The following MNAT1 variants were observed in gnomAD, a reference collection of about 807,000 sequenced individuals.
MNAT1 encodes MNAT1 component of CDK activating kinase, also known as CDK-activating kinase assembly factor MAT1.
In MNAT1, 43 loss-of-function variants were observed where a neutral mutation model predicts 42.0. The ratio of observed to expected loss-of-function variants is 1.02; its 90% CI spans 0.80 to 1.32. The LOEUF is 1.32. Ranked by LOEUF, MNAT1 falls within the 40% of genes most tolerant of loss-of-function variation. The pLI is 0.00. For synonymous variants in MNAT1, 118 were observed against 120.0 expected, an observed-to-expected ratio of 0.98 and a Z score of 0.11; for missense variants, 306 against 350.4, an observed-to-expected ratio of 0.87 and a Z score of 1.01.
At chr14:60,911,527 T>G (rs1464238497) in intron 7 of MNAT1, among the ~76,000 whole-genome samples, 2 of 152,188 alleles carry the variant, frequency 1.3e-5, no homozygotes, top group Non-Finnish European at 2.9e-5. Flanking sequence ...TGTTGTGTCT[T>G]TGTTCTCGTT....
At chr14:60,742,231 G>A (rs921068783) in intron 1 of MNAT1, among the ~76,000 whole-genome samples, 1 of 151,932 alleles carries the variant, frequency 6.6e-6, no homozygotes. Context: ...GACTACAGGT[G>A]TGCACTGCCA....
intron 6 of MNAT1, among the ~76,000 whole-genome samples, chr14:60,876,479 T>C (rs905329246): frequency 1.3e-5 from 2 of 152,046 alleles, no homozygotes; most frequent in Non-Finnish European, 2.9e-5. Context: ...TTCTGTGACA[T>C]TAAGTACATC....
intron 7 of MNAT1, among the ~76,000 whole-genome samples, chr14:60,883,999 A>G (rs926702448): frequency 6.6e-6 from 1 of 152,034 alleles, no homozygotes; most frequent in African/African-American, 2.4e-5. Context: ...ATATAAGATC[A>G]TATCATCTGT....
chr14:60,858,446 A>G (rs1594808672), intron 6 of MNAT1, among the ~76,000 whole-genome samples: 1 of 147,184 alleles, frequency 6.8e-6, no homozygotes, highest in South Asian at 2.2e-4. Context: ...AAATTTGTTT[A>G]AGTTCTTTGT....
At chr14:60,949,778 G>A (rs1327295052) in intron 7 of MNAT1, among the ~76,000 whole-genome samples, 1 of 152,068 alleles carries the variant, frequency 6.6e-6, no homozygotes, top group African/African-American at 2.4e-5. Flanking sequence ...CTGATAGTGG[G>A]CATAGATTAT....
intron 7 of MNAT1, among the ~76,000 whole-genome samples, chr14:60,905,762 T>G (rs2035184226): frequency 1.4e-5 from 2 of 147,414 alleles, no homozygotes; most frequent in Non-Finnish European, 2.9e-5. Context: ...ACTTCCTTCG[T>G]TTTTTTGCTG....
chr14:60,905,858 C>T (rs1160066858), intron 7 of MNAT1, among the ~76,000 whole-genome samples: 13 of 152,150 alleles, frequency 8.5e-5, no homozygotes, highest in Non-Finnish European at 1.5e-4. Flanking sequence ...ATTCAAATGC[C>T]AATCTTTTCT....
chr14:60,776,846 T>C (rs2031271779), intron 1 of MNAT1, among the ~76,000 whole-genome samples: 1 of 152,016 alleles, frequency 6.6e-6, no homozygotes, highest in African/African-American at 2.4e-5. Context: ...TGTTTGTTTG[T>C]TTTGGTTTTT....
At chr14:60,874,258 T>C (rs2034389908) in intron 6 of MNAT1, among the ~76,000 whole-genome samples, 1 of 152,158 alleles carries the variant, frequency 6.6e-6, no homozygotes, top group Non-Finnish European at 1.5e-5. Context: ...AGCCTTGGAG[T>C]ATTTTCTAGC....
chr14:60,843,989 C>G (rs1170233607), intron 6 of MNAT1, among the ~76,000 whole-genome samples: 2 of 151,956 alleles, frequency 1.3e-5, no homozygotes, highest in Non-Finnish European at 2.9e-5. Context: ...GTTTGGGTTT[C>G]TTTTTTGCAT....
intron 6 of MNAT1, among the ~76,000 whole-genome samples, chr14:60,853,050 A>C (rs2033864553): frequency 6.6e-6 from 1 of 152,070 alleles, no homozygotes; most frequent in Non-Finnish European, 1.5e-5. Flanking sequence ...GTTCCATATG[A>C]AATTTAAGTA....
intron 1 of MNAT1, among the ~76,000 whole-genome samples, chr14:60,741,591 C>T (rs1302943901): frequency 1.3e-5 from 2 of 150,278 alleles, no homozygotes; most frequent in Non-Finnish European, 2.9e-5. Flanking sequence ...GATCTCCTGA[C>T]CTCGTGATCC....
chr14:60,930,462 C>T (rs112809922), intron 7 of MNAT1, among the ~76,000 whole-genome samples: 2 of 152,110 alleles, frequency 1.3e-5, no homozygotes, highest in African/African-American at 4.8e-5. Context: ...CCAAGATTCT[C>T]CTTCCTTCTG....
chr14:60,950,557 A>G (rs2036361857), intron 7 of MNAT1, among the ~76,000 whole-genome samples: 2 of 152,158 alleles, frequency 1.3e-5, no homozygotes, highest in Admixed American at 1.3e-4. Flanking sequence ...GCAGCCCAAC[A>G]CAAATTCGTA....
At chr14:60,835,832 C>T (rs746663536) in intron 6 of MNAT1, among the ~76,000 whole-genome samples, 46 of 152,146 alleles carry the variant, frequency 3.0e-4, no homozygotes, top group Non-Finnish European at 7.3e-5. Flanking sequence ...GAGTGTTTTC[C>T]AGCTTGGTTC....
Position 60,863,190 on chromosome 14 carries a change from C to G in MNAT1, c.688-16524C>G, listed in dbSNP as rs150013084. Among the ~76,000 whole-genome samples the G allele has an allele frequency of 1.5e-4, 23 of 152,092 alleles. 1 individual carries two copies. In the East Asian group the frequency reaches 3.5e-3, roughly 23 times the overall value. ...AAATGAGAAATAGAATGTGGAGAGG[C>G]TGTAAGATCCCAGGACTCCAGCCAG... On this transcript the variant is annotated intron_variant, in intron 6 of 7. Transcript: ENST00000261245.
At chr14:60,776,485 G>C (rs1372904219) in intron 1 of MNAT1, among the ~76,000 whole-genome samples, 1 of 152,100 alleles carries the variant, frequency 6.6e-6, no homozygotes, top group African/African-American at 2.4e-5. Flanking sequence ...TTATTTATGA[G>C]GATGTTCAAG....
intron 7 of MNAT1, among the ~76,000 whole-genome samples, chr14:60,892,067 A>G (rs979925099): frequency 2.6e-5 from 4 of 152,202 alleles, no homozygotes; most frequent in Admixed American, 6.5e-5. Flanking sequence ...ATGGCCTAAA[A>G]TATGGCCTGT....
At chr14:60,779,549 G>A (rs1293330232) in intron 1 of MNAT1, among the ~76,000 whole-genome samples, 1 of 152,160 alleles carries the variant, frequency 6.6e-6, no homozygotes, top group Non-Finnish European at 1.5e-5. Flanking sequence ...ACCATTTTGG[G>A]AGGCCGAGCA....
Sources: gnomAD v4.1 joint callset for allele counts (sites outside exome capture counted in the v4.1 genomes callset) on GRCh38, gnomAD v4.1.1 for gene constraint, MANE v1.5 for transcripts, NCBI Gene and HGNC (gene_info 2026-07-23, HGNC 2026-07-21) for gene names.